Variants in KRT73 observed in about 807,000 individuals in gnomAD.
KRT73 encodes the protein keratin, type II cytoskeletal 73.
In KRT73, 44 loss-of-function variants were observed where a neutral mutation model predicts 47.2. The observed-to-expected ratio is 0.93, with a 90% CI of 0.73 to 1.20. The LOEUF (loss-of-function observed/expected upper bound fraction) is 1.20. Ranked by LOEUF, KRT73 falls within the 50% of genes most tolerant of loss-of-function variation. The pLI is 0.00. For missense variants in KRT73, 713 were observed against 704.5 expected (o/e 1.01, Z -0.14); for synonymous variants, 285 against 291.3 (o/e 0.98, Z 0.22).
chr12:52,614,646 A>G lies in KRT73; in HGVS notation c.752T>C (p.Val251Ala). Residue 251 changes from valine (V) to alanine (A), a missense_variant, in exon 4 of 9, where the codon GTG becomes GCG. Physicochemically the swap from Val to Ala is moderately conservative, Grantham distance 64. Transcript: ENST00000305748. ...GGCATCCACCTTGGCCTGCAGCTCC[A>G]CTTTGCTCGTGTAAGCTGCGTCCAC... The part of the protein sequence containing the change: ...KDVDAAYTSK[V>A]ELQAKVDALD... The G allele has an allele frequency of 3.1e-6, 5 of 1,613,828 alleles. No homozygotes were observed. The highest frequency in any genetic ancestry group is 4.2e-6 in the Non-Finnish European group (5 of 1,179,910).
chr12:52,626,125 A>G, the KRT73 span, among the ~76,000 whole-genome samples: 1 of 152,236 alleles, frequency 6.6e-6, no homozygotes, highest in Admixed American at 6.5e-5. Context: ...GCGATAGTAC[A>G]TCTTGCAATG....
chr12:52,619,732 G>A (rs74742322), upstream of KRT73, among the ~76,000 whole-genome samples: 975 of 152,270 alleles, frequency 6.4e-3, 7 homozygotes, highest in African/African-American at 0.022. Flanking sequence ...TGGGGAGGTA[G>A]GGGAAGACAT....
the KRT73 span, among the ~76,000 whole-genome samples, chr12:52,624,394 T>C: frequency 2.0e-5 from 3 of 152,074 alleles, no homozygotes; most frequent in Admixed American, 1.3e-4. Context: ...AACTTAACAG[T>C]ACCATCAACC....
chr12:52,618,467 A>G lies in KRT73; in HGVS notation c.58T>C (p.Cys20Arg), dbSNP rs1262421296. 6.2e-7 allele frequency: 1 copy of G among 1,612,562 alleles called. No individual in the cohort carries two copies. The highest frequency in any genetic ancestry group is 1.1e-5 in the South Asian group (1 of 90,920). The part of the protein sequence containing the change: ...GAAAKGGFSG[C>R]SAVLSGGSSS... ...CTGCCCCCTGAGAGCACAGCGGAGC[A>G]GCCGCTGAAGCCCCCCTTGGCAGCA... The change falls in exon 1 of 9, where the codon TGC becomes CGC. Residue 20 changes from cysteine to arginine, a missense_variant. By Grantham distance (180) the Cys-to-Arg change is radical. Transcript: ENST00000305748.
At chr12:52,622,913 T>C (rs1214090376), upstream of KRT73, among the ~76,000 whole-genome samples, 1 of 151,898 alleles carries the variant, frequency 6.6e-6, no homozygotes, top group Admixed American at 6.6e-5. Context: ...ACAATAAAAA[T>C]TACCCAATCT....
chr12:52,627,525 G>C, the KRT73 span, among the ~76,000 whole-genome samples: 4 of 152,176 alleles, frequency 2.6e-5, no homozygotes, highest in Non-Finnish European at 5.9e-5. Context: ...TGGACTCCAA[G>C]TGCAGTGCTG....
At chr12:52,628,437 G>A in the KRT73 span, among the ~76,000 whole-genome samples, 3 of 152,136 alleles carry the variant, frequency 2.0e-5, no homozygotes, top group East Asian at 1.9e-4. Context: ...CTACGAATCC[G>A]TGGAAGGCAG....
At position 52,608,148 on chromosome 12, in the gene KRT73, G is replaced by T. The variant is rs901025840; in HGVS notation, c.*48C>A. On this transcript the variant is annotated 3_prime_UTR_variant, in exon 9 of 9. Transcript: ENST00000305748. ...GAATTTCCTAGAAGAGTCCGGAGCA[G>T]TCTGCCAGGGCAAGGCAGACTACTG... 14 of 1,563,374 alleles carry T rather than the reference G, an allele frequency of 9.0e-6. No individual in the cohort carries two copies. Among genetic ancestry groups the T allele is most frequent in the Non-Finnish European group, 1.2e-5 (14 of 1,152,826 alleles).
chr12:52,627,442 CT>C, the KRT73 span, among the ~76,000 whole-genome samples: 2 of 152,196 alleles, frequency 1.3e-5, no homozygotes, highest in Non-Finnish European at 2.9e-5. Context: ...GGCTATCTTC[CT>C]CCCCTTGCTG....
chr12:52,619,952 A>G (rs1940875131), upstream of KRT73, among the ~76,000 whole-genome samples: 1 of 152,122 alleles, frequency 6.6e-6, no homozygotes, highest in South Asian at 2.1e-4. Flanking sequence ...TGTACTAAGC[A>G]ATTGCCAAAT....
chr12:52,627,501 C>T, the KRT73 span, among the ~76,000 whole-genome samples: 1 of 152,130 alleles, frequency 6.6e-6, no homozygotes, highest in African/African-American at 2.4e-5. Context: ...ACCTGCCTTC[C>T]AATACAACAC....
chr12:52,620,714 G>A (rs749848362), upstream of KRT73, among the ~76,000 whole-genome samples: 2 of 151,986 alleles, frequency 1.3e-5, no homozygotes, highest in Non-Finnish European at 2.9e-5. Flanking sequence ...CCCCTCCCTG[G>A]CCTTCTCATC....
intron 8 of KRT73, 64 bp downstream of exon 8, chr12:52,609,183 C>T (rs1277934920): frequency 1.4e-6 from 2 of 1,442,190 alleles, no homozygotes; most frequent in African/African-American, 2.8e-5. Context: ...GGGCGGTGGA[C>T]ACCCACCCAC....
the KRT73 span, among the ~76,000 whole-genome samples, chr12:52,625,999 C>G: frequency 1.1e-3 from 167 of 152,308 alleles, no homozygotes; most frequent in Non-Finnish European, 1.4e-3. Context: ...GGGGGTTAAA[C>G]AGTGTCACAG....
the KRT73 span, among the ~76,000 whole-genome samples, chr12:52,626,545 C>T: frequency 4.6e-5 from 7 of 152,252 alleles, no homozygotes; most frequent in Admixed American, 4.6e-4. Context: ...AACTCGTATC[C>T]CTCTGACCAG....
intron 5 of KRT73, among the ~76,000 whole-genome samples, chr12:52,613,144 AGGAAGTTGCCATCTT>A (rs1940737401): frequency 6.6e-6 from 1 of 152,224 alleles, no homozygotes. Context: ...AGGAACAATC[AGGAAGTTGCCATCTT>A]GATCTGAGAA....
At chr12:52,623,370 G>A (rs1940929416), upstream of KRT73, among the ~76,000 whole-genome samples, 2 of 152,298 alleles carry the variant, frequency 1.3e-5, no homozygotes, top group South Asian at 4.1e-4. Flanking sequence ...AGAATTCAGT[G>A]CCCAGTAAAA....
chr12:52,621,296 G>C (rs1054685406), upstream of KRT73, among the ~76,000 whole-genome samples: 135 of 146,088 alleles, frequency 9.2e-4, no homozygotes, highest in East Asian at 6.1e-3. Flanking sequence ...AGAAAGGGGG[G>C]GGGGGGGAGA....
chr12:52,612,066 C>G (rs2120864631), intron 5 of KRT73, among the ~76,000 whole-genome samples: 1 of 152,300 alleles, frequency 6.6e-6, no homozygotes, highest in East Asian at 1.9e-4. Context: ...AGCATAGTGC[C>G]TAGTTGGTGC....
Sources: allele counts gnomAD v4.1 joint callset (sites outside exome capture counted in the v4.1 genomes callset), GRCh38; gene constraint gnomAD v4.1.1; transcripts MANE v1.5; gene names NCBI Gene and HGNC (gene_info 2026-07-23, HGNC 2026-07-21).